Variants in CDR2 observed in about 807,000 individuals in gnomAD.
CDR2 encodes the protein cerebellar degeneration related protein 2, also known as cerebellar degeneration-related protein 2.
In CDR2, 34 loss-of-function variants were observed where a neutral mutation model predicts 48.4. That is an observed-to-expected ratio of 0.70 (90% CI 0.53 to 0.94). The LOEUF is 0.94. Ranked by LOEUF, CDR2 falls within the 40% of genes least tolerant of loss-of-function variation. CDR2 has a pLI of 0.00. For synonymous variants in CDR2, 240 were observed against 219.7 expected (o/e 1.09, Z -0.82); for missense variants, 498 against 549.5 (o/e 0.91, Z 0.94).
At position 22,374,489 on chromosome 16, in the gene CDR2, C is replaced by G. The variant is rs1307807385; in HGVS notation, c.-180G>C. The stretch of plus-strand genomic sequence containing the variant: ...CCGCCGGCGGCCGCCGACCGGCCGG[C>G]TGCCTCGACTCGCCTCGCGCCTACC... On this transcript the variant is annotated 5_prime_UTR_variant, in exon 1 of 5. Coordinates refer to ENST00000268383, the MANE Select transcript of CDR2 (RefSeq NM_001802.2). 8.1e-6 allele frequency: 2 copies of G among 246,904 alleles called. No individual in the cohort carries two copies. Among genetic ancestry groups the G allele is most frequent in the Non-Finnish European group, 1.5e-5 (2 of 130,816 alleles). The allele number at this position is 246,904 out of a possible 1,614,324, so 15.3% of individuals were successfully genotyped here. A position where few individuals can be genotyped will look rare whatever the true frequency, so the allele number is the denominator to read the frequency against.
At chr16:22,355,918 T>G (rs1567345785) in intron 2 of CDR2, among the ~76,000 whole-genome samples, 1 of 152,306 alleles carries the variant, frequency 6.6e-6, no homozygotes, top group African/African-American at 2.4e-5. Flanking sequence ...ATCTTTATAC[T>G]ATGTTTGTCG....
At chr16:22,374,181 G>C (rs187300780) in intron 1 of CDR2, 50 bp downstream of exon 1, 1 of 1,210,580 alleles carries the variant, frequency 8.3e-7, no homozygotes. Flanking sequence ...TCGCAGCGGG[G>C]GCCTCCCGGG....
At chr16:22,352,561 G>C (rs1458247324) in intron 2 of CDR2, among the ~76,000 whole-genome samples, 1 of 151,950 alleles carries the variant, frequency 6.6e-6, no homozygotes, top group Non-Finnish European at 1.5e-5. Context: ...TGTGAGGTCT[G>C]GGCAGCACCC....
chr16:22,361,168 CG>C (rs1178890944), intron 2 of CDR2, among the ~76,000 whole-genome samples: 1 of 152,150 alleles, frequency 6.6e-6, no homozygotes, highest in Non-Finnish European at 1.5e-5. Flanking sequence ...GCTAGCTCAC[CG>C]GGTGGTGACC....
intron 2 of CDR2, among the ~76,000 whole-genome samples, chr16:22,356,940 C>CAAA (rs1047380020): frequency 2.1e-4 from 6 of 28,798 alleles, no homozygotes; most frequent in Non-Finnish European, 3.6e-4. Flanking sequence ...GACTCCATCT[C>CAAA]AAAAAAAAAA....
chr16:22,346,529 C>CAG lies in CDR2; in HGVS notation c.*435_*436insCT, dbSNP rs10642551. ...TCGTAATGAATTCACAGTATTCAAACTGTTTGCAAAGATATTTGAGTTTGA... is the reference window on the plus strand; with the variant it reads ...TCGTAATGAATTCACAGTATTCAAACAGTGTTTGCAAAGATATTTGAGTTTGA... On this transcript the variant is annotated 3_prime_UTR_variant, in exon 5 of 5. Coordinates refer to ENST00000268383, the MANE Select transcript of CDR2 (RefSeq NM_001802.2). 0.98 allele frequency: 162,429 copies of CAG among 166,388 alleles called. 79,406 individuals are homozygous for CAG. Among genetic ancestry groups the CAG allele is most frequent in the East Asian group, 1 (6,028 of 6,028 alleles). The allele number at this position is 166,388 out of a possible 1,614,324, so 10.3% of individuals were successfully genotyped here.
chr16:22,354,108 G>T (rs934780695), intron 2 of CDR2, among the ~76,000 whole-genome samples: 1 of 152,196 alleles, frequency 6.6e-6, no homozygotes, highest in African/African-American at 2.4e-5. Flanking sequence ...TTATTAAAGT[G>T]TAAGAACCTG....
At chr16:22,370,940 C>T (rs55750905) in intron 1 of CDR2, among the ~76,000 whole-genome samples, 63 of 152,292 alleles carry the variant, frequency 4.1e-4, no homozygotes, top group African/African-American at 1.5e-3. Context: ...CAGCCAGGTG[C>T]GGTGGTTCAC....
chr16:22,348,510 A>G (rs2048921771), intron 4 of CDR2, among the ~76,000 whole-genome samples: 1 of 152,190 alleles, frequency 6.6e-6, no homozygotes, highest in Non-Finnish European at 1.5e-5. Flanking sequence ...ATGATTCATA[A>G]TATGTAACTA....
At chr16:22,353,316 CAGTGGTATAGT>C (rs990366594) in intron 2 of CDR2, among the ~76,000 whole-genome samples, 4 of 152,142 alleles carry the variant, frequency 2.6e-5, no homozygotes, top group African/African-American at 4.8e-5. Context: ...TGATGGGAGG[CAGTGGTATAGT>C]AGCTAAGAGC....
intron 2 of CDR2, among the ~76,000 whole-genome samples, chr16:22,357,324 C>T (rs368789803): frequency 7.1e-4 from 108 of 152,306 alleles, no homozygotes; most frequent in Admixed American, 1.8e-3. Flanking sequence ...GAAGGGATTA[C>T]AGGCATGAGC....
intron 4 of CDR2, among the ~76,000 whole-genome samples, chr16:22,348,157 G>A (rs370551551): frequency 1.3e-5 from 2 of 151,910 alleles, no homozygotes; most frequent in African/African-American, 4.8e-5. Context: ...GGCTGGTCTC[G>A]AACTCCCAAC....
chr16:22,368,345 G>T (rs1056523885), intron 1 of CDR2, among the ~76,000 whole-genome samples: 1 of 152,090 alleles, frequency 6.6e-6, no homozygotes, highest in Non-Finnish European at 1.5e-5. Context: ...GAGTAGCTGG[G>T]ATTACAGGCA....
At position 22,364,955 on chromosome 16, in the gene CDR2, C is replaced by T; in HGVS notation, c.139G>A (p.Asp47Asn). 1 of 1,613,496 alleles carries T rather than the reference C, an allele frequency of 6.2e-7. No homozygotes were observed. The highest frequency in any genetic ancestry group is 8.5e-7 in the Non-Finnish European group (1 of 1,179,432). Residue 47 changes from aspartate to asparagine, a missense_variant, in exon 2 of 5, where the codon GAC (aspartate) becomes AAC (asparagine). By Grantham distance (23) the Asp-to-Asn change is conservative (BLOSUM62 1). Coordinates refer to ENST00000268383, the MANE Select transcript of CDR2 (RefSeq NM_001802.2). ...GTTGTATACATCTGCTGAACAGAGT[C>T]CTCCAACTCTGTGTTCCGATCCAGT... ...TLLDRNTELE[D>N]SVQQMYTTNQ... is the part of the protein sequence containing the mutation.
intron 2 of CDR2, among the ~76,000 whole-genome samples, chr16:22,352,515 C>T (rs551691512): frequency 6.6e-6 from 1 of 152,202 alleles, no homozygotes; most frequent in South Asian, 2.1e-4. Flanking sequence ...CAACATGGCG[C>T]TCATACCTGA....
intron 2 of CDR2, among the ~76,000 whole-genome samples, chr16:22,353,249 A>G (rs921197283): frequency 2.6e-5 from 4 of 152,180 alleles, no homozygotes; most frequent in Admixed American, 1.3e-4. Flanking sequence ...CACAAAGGGC[A>G]TGTGAAAGGC....
rs376182039 is a variant in CDR2, at chr16:22,363,637, T to C, written c.192+1265A>G. Among the ~76,000 whole-genome samples, 15 of 152,296 alleles carry C rather than the reference T, an allele frequency of 9.8e-5. No individual in the cohort carries two copies. In the East Asian group the frequency reaches 1.3e-3, roughly 14 times the overall value. ...TGAACTGCTTCACTGTTCTAGAGTC[T>C]TTTACATTTTTCTGTGCACAGACAC... On this transcript the variant is annotated intron_variant, in intron 2 of 4. Coordinates refer to ENST00000268383, the MANE Select transcript of CDR2 (RefSeq NM_001802.2).
At chr16:22,362,954 CTTTT>C (rs1278079544) in intron 2 of CDR2, among the ~76,000 whole-genome samples, 3 of 137,780 alleles carry the variant, frequency 2.2e-5, no homozygotes, top group East Asian at 2.1e-4. Context: ...TACAGTAGGT[CTTTT>C]TTTTTTTTTT....
intron 2 of CDR2, among the ~76,000 whole-genome samples, chr16:22,358,573 G>A (rs1046072665): frequency 2.0e-5 from 3 of 152,102 alleles, no homozygotes; most frequent in Admixed American, 6.6e-5. Context: ...AGAAACAAAC[G>A]ACCCCAAGTA....
Sources: gnomAD v4.1 joint callset for allele counts (sites outside exome capture counted in the v4.1 genomes callset) on GRCh38, gnomAD v4.1.1 for gene constraint, MANE v1.5 for transcripts, NCBI Gene and HGNC (gene_info 2026-07-23, HGNC 2026-07-21) for gene names.